ALCAM: variants seen among roughly 807,000 people sequenced by gnomAD.
ALCAM encodes the protein CD166 antigen.
ALCAM carries 30 observed loss-of-function variants against 70.9 expected under a neutral mutation model. That is an observed-to-expected ratio of 0.42 (90% CI 0.32 to 0.57). The LOEUF (loss-of-function observed/expected upper bound fraction) is 0.57, where lower values mean the gene tolerates loss of function less well. Ranked by LOEUF, ALCAM falls within the 20% of genes least tolerant of loss-of-function variation. The pLI is 0.11. For missense variants in ALCAM, 591 were observed against 695.1 expected, an observed-to-expected ratio of 0.85 and a Z score of 1.68; for synonymous variants, 249 against 242.5, an observed-to-expected ratio of 1.03 and a Z score of -0.25.
In ALCAM at chr3:105,368,255, GAGAGAGAGAA is replaced by G. The variant is rs1157087117; in HGVS notation, c.73+776_73+785del. ...AGAGAGAGAGAGAGAGAGAGAGAGA[GAGAGAGAGAA>G]AAGGCAAAATTCCCAACAACTAAAA... is the stretch of plus-strand genomic sequence containing the variant. On this transcript the variant is annotated intron_variant, in intron 1 of 15. Transcript: ENST00000306107. Among the ~76,000 whole-genome samples, 77 of 146,696 alleles carry G rather than the reference GAGAGAGAGAA, an allele frequency of 5.2e-4. 1 individual carries two copies. The highest frequency in any genetic ancestry group is 1.6e-3 in the African/African-American group (66 of 40,854).
At chr3:105,500,776 T>C (rs1038180239) in intron 1 of ALCAM, among the ~76,000 whole-genome samples, 6 of 152,182 alleles carry the variant, frequency 3.9e-5, no homozygotes, top group African/African-American at 1.4e-4. Context: ...AAATTATCTC[T>C]AAGGTCACTT....
intron 1 of ALCAM, among the ~76,000 whole-genome samples, chr3:105,409,692 A>C (rs1156992436): frequency 2.0e-5 from 3 of 152,066 alleles, no homozygotes; most frequent in East Asian, 1.9e-4. Flanking sequence ...CCTGTTCCCC[A>C]AAACCTATAG....
At chr3:105,513,079 C>G (rs1332651809) in intron 1 of ALCAM, among the ~76,000 whole-genome samples, 2 of 139,114 alleles carry the variant, frequency 1.4e-5, no homozygotes, top group Middle Eastern at 3.7e-3. Context: ...TTCTGCCTAT[C>G]CCCCCCAAAG....
chr3:105,553,203 T>G (rs1029473811), intron 14 of ALCAM: 24 of 738,062 alleles, frequency 3.3e-5, no homozygotes, highest in Non-Finnish European at 4.0e-5. Flanking sequence ...ACAGATAGTA[T>G]GAACCTTACA....
intron 1 of ALCAM, among the ~76,000 whole-genome samples, chr3:105,443,117 C>T (rs1475124975): frequency 6.6e-6 from 1 of 152,158 alleles, no homozygotes. Context: ...TAAGCTACCT[C>T]GCCCAGCCAA....
At chr3:105,453,507 G>GATGAA (rs1937484612) in intron 1 of ALCAM, among the ~76,000 whole-genome samples, 1 of 152,204 alleles carries the variant, frequency 6.6e-6, no homozygotes, top group Non-Finnish European at 1.5e-5. Flanking sequence ...CAGGTAGAGT[G>GATGAA]ATGCCTCCAG....
At chr3:105,409,845 A>T (rs184450950) in intron 1 of ALCAM, among the ~76,000 whole-genome samples, 1 of 152,034 alleles carries the variant, frequency 6.6e-6, no homozygotes, top group Admixed American at 6.6e-5. Context: ...TTTTTTAGAG[A>T]TGTTTTATAT....
intron 1 of ALCAM, among the ~76,000 whole-genome samples, chr3:105,497,975 G>A (rs1938802768): frequency 6.6e-6 from 1 of 150,654 alleles, no homozygotes; most frequent in African/African-American, 2.4e-5. Flanking sequence ...AGCTTGCAGT[G>A]AGCCAAGATC....
At chr3:105,529,522 G>A (rs1939787367) in intron 3 of ALCAM, among the ~76,000 whole-genome samples, 1 of 152,058 alleles carries the variant, frequency 6.6e-6, no homozygotes, top group South Asian at 2.1e-4. Context: ...AGTTAATATA[G>A]AGGACTCAAA....
chr3:105,569,069 GT>G (rs1553684934), intron 14 of ALCAM, among the ~76,000 whole-genome samples: 36 of 147,416 alleles, frequency 2.4e-4, no homozygotes, highest in Non-Finnish European at 1.8e-4. Context: ...TTACATTGTT[GT>G]TTTTTTTTTA....
chr3:105,482,157 C>T (rs533872705), intron 1 of ALCAM, among the ~76,000 whole-genome samples: 66 of 152,184 alleles, frequency 4.3e-4, no homozygotes, highest in African/African-American at 1.4e-3. Flanking sequence ...CTGTCGCCCA[C>T]GCTAGAATGC....
chr3:105,508,026 T>C (rs898737721), intron 1 of ALCAM, among the ~76,000 whole-genome samples: 3 of 152,154 alleles, frequency 2.0e-5, no homozygotes, highest in African/African-American at 4.8e-5. Context: ...TTCTTGAATA[T>C]TCATGATTTT....
intron 1 of ALCAM, among the ~76,000 whole-genome samples, chr3:105,411,466 A>G (rs1936389530): frequency 6.6e-6 from 1 of 152,036 alleles, no homozygotes; most frequent in Non-Finnish European, 1.5e-5. Context: ...AGCAGCTGGG[A>G]TAATAGGAAT....
At chr3:105,518,595 A>G (rs1392048248) in intron 1 of ALCAM, among the ~76,000 whole-genome samples, 1 of 152,024 alleles carries the variant, frequency 6.6e-6, no homozygotes, top group Non-Finnish European at 1.5e-5. Context: ...CTTCATTTAC[A>G]GTCTTATGCT....
intron 1 of ALCAM, among the ~76,000 whole-genome samples, chr3:105,403,662 C>T (rs528993646): frequency 6.6e-5 from 10 of 151,898 alleles, no homozygotes; most frequent in South Asian, 4.2e-4. Flanking sequence ...TCTGGTAATA[C>T]GACAAAAGAG....
At chr3:105,379,748 A>G (rs567980454) in intron 1 of ALCAM, among the ~76,000 whole-genome samples, 6 of 151,922 alleles carry the variant, frequency 3.9e-5, no homozygotes, top group South Asian at 2.1e-4. Flanking sequence ...TGATTTTCCA[A>G]TGACCTCTAA....
chr3:105,483,727 G>T (rs1430588421), intron 1 of ALCAM, among the ~76,000 whole-genome samples: 1 of 152,044 alleles, frequency 6.6e-6, no homozygotes, highest in Non-Finnish European at 1.5e-5. Flanking sequence ...AGAAAGAGAA[G>T]GATCATGCAG....
chr3:105,548,230 AGAATCTG>A (rs1046163232), intron 11 of ALCAM, among the ~76,000 whole-genome samples: 1 of 151,438 alleles, frequency 6.6e-6, no homozygotes, highest in Non-Finnish European at 1.5e-5. Flanking sequence ...AGGAAAAATG[AGAATCTG>A]GCCTACCACT....
At chr3:105,444,562 A>C (rs1937253950) in intron 1 of ALCAM, among the ~76,000 whole-genome samples, 1 of 152,186 alleles carries the variant, frequency 6.6e-6, no homozygotes, top group Admixed American at 6.5e-5. Context: ...TATCACCAAC[A>C]TAATATAAAA....
Sources: gnomAD v4.1 joint callset for allele counts (sites outside exome capture counted in the v4.1 genomes callset) on GRCh38, gnomAD v4.1.1 for gene constraint, MANE v1.5 for transcripts, NCBI Gene and HGNC (gene_info 2026-07-23, HGNC 2026-07-21) for gene names.